The following FGD4 variants were observed in gnomAD, a reference collection of about 807,000 sequenced individuals.
FGD4 encodes FYVE, RhoGEF and PH domain-containing protein 4.
FGD4 carries 42 observed loss-of-function variants against 102.0 expected under a neutral mutation model. That is an observed-to-expected ratio of 0.41 (90% CI 0.32 to 0.53). The LOEUF (loss-of-function observed/expected upper bound fraction) is 0.53. FGD4 is among the 20% of genes least tolerant of loss of function. The pLI, the probability that FGD4 is intolerant of heterozygous loss-of-function variation, is 0.21. For missense variants in FGD4, 902 were observed against 1,078.2 expected (o/e 0.84, Z 2.29); for synonymous variants, 380 against 375.7 (o/e 1.01, Z -0.13).
chr12:32,564,423 A>G (rs1945015152), intron 2 of FGD4, 134 bp downstream of exon 2: 2 of 1,144,612 alleles, frequency 1.7e-6, no homozygotes, highest in Non-Finnish European at 1.2e-6. Context: ...TTTAGAGAAG[A>G]GTCCATCTGT....
chr12:32,566,061 C>T (rs1310362890), intron 2 of FGD4, among the ~76,000 whole-genome samples: 1 of 152,152 alleles, frequency 6.6e-6, no homozygotes, highest in Non-Finnish European at 1.5e-5. Context: ...AAATGTAGTT[C>T]TCACAGTTTT....
At chr12:32,401,963 C>A (rs1169112284) in intron 1 of FGD4, among the ~76,000 whole-genome samples, 1 of 144,992 alleles carries the variant, frequency 6.9e-6, no homozygotes, top group African/African-American at 2.6e-5. Context: ...AGTGCAGTGA[C>A]GCAATCTTGG....
intron 1 of FGD4, among the ~76,000 whole-genome samples, chr12:32,552,791 T>C (rs1200103482): frequency 6.6e-6 from 1 of 150,842 alleles, no homozygotes; most frequent in Non-Finnish European, 1.5e-5. Context: ...TACCTTTTTT[T>C]TTTTTGACAG....
intron 1 of FGD4, among the ~76,000 whole-genome samples, chr12:32,401,676 A>T (rs1940667092): frequency 6.6e-6 from 1 of 151,416 alleles, no homozygotes; most frequent in South Asian, 2.1e-4. Context: ...GAGTTGTGGC[A>T]GTCTACAAAT....
intron 1 of FGD4, among the ~76,000 whole-genome samples, chr12:32,543,923 A>G (rs1943040387): frequency 6.6e-6 from 1 of 151,950 alleles, no homozygotes; most frequent in South Asian, 2.1e-4. Flanking sequence ...CACCGCACCC[A>G]GCCGGAAATT....
intron 1 of FGD4, among the ~76,000 whole-genome samples, chr12:32,473,668 C>T (rs1943499584): frequency 1.3e-5 from 2 of 152,180 alleles, no homozygotes; most frequent in African/African-American, 4.8e-5. Context: ...TGCAGCTCAT[C>T]TCAAACTGAA....
chr12:32,484,389 T>C (rs1009376388), intron 1 of FGD4, among the ~76,000 whole-genome samples: 2 of 152,174 alleles, frequency 1.3e-5, no homozygotes, highest in East Asian at 1.9e-4. Flanking sequence ...CCATATAACA[T>C]AGAAACATAA....
intron 1 of FGD4, among the ~76,000 whole-genome samples, chr12:32,466,977 T>TC (rs1245145033): frequency 6.6e-6 from 1 of 152,070 alleles, no homozygotes; most frequent in African/African-American, 2.4e-5. Flanking sequence ...TCCCAGAGCT[T>TC]CTCTCCAAGC....
rs1211757393 is a variant in FGD4, at chr12:32,641,003, T to C, written c.*470T>C. 1.7e-5 allele frequency: 3 copies of C among 172,516 alleles called. No individual in the cohort carries two copies. The highest frequency in any genetic ancestry group is 7.1e-5 in the African/African-American group (3 of 42,018). The allele number at this position is 172,516 out of a possible 1,614,324, so 10.7% of individuals were successfully genotyped here. On this transcript the variant is annotated 3_prime_UTR_variant, in exon 17 of 17. Coordinates refer to ENST00000534526, the MANE Select transcript of FGD4 (RefSeq NM_001370298.3). Reference sequence around the variant, plus strand: ...TTATTTAATTTAGTTTATAAATCTCTAGCTGCATAAATGATGTCTGTTCTT... The same window carrying C: ...TTATTTAATTTAGTTTATAAATCTCCAGCTGCATAAATGATGTCTGTTCTT...
At chr12:32,402,573 T>A (rs1193492581) in intron 1 of FGD4, among the ~76,000 whole-genome samples, 1 of 151,394 alleles carries the variant, frequency 6.6e-6, no homozygotes, top group Non-Finnish European at 1.5e-5. Context: ...CTCAGTCTCT[T>A]AAGTAGATGG....
intron 1 of FGD4, among the ~76,000 whole-genome samples, chr12:32,546,414 A>G (rs1761782713): frequency 6.6e-6 from 1 of 152,240 alleles, no homozygotes; most frequent in South Asian, 2.1e-4. Context: ...CAGGGCCCTC[A>G]GTTGTGGTGG....
intron 3 of FGD4, 113 bp downstream of exon 3, chr12:32,576,562 G>A: frequency 8.3e-7 from 1 of 1,211,218 alleles, no homozygotes. Flanking sequence ...ATTCCATTAG[G>A]TTTGGTAGGC....
intron 1 of FGD4, among the ~76,000 whole-genome samples, chr12:32,520,964 T>G (rs933664908): frequency 1.3e-5 from 2 of 152,166 alleles, no homozygotes; most frequent in African/African-American, 2.4e-5. Context: ...AATTACTATT[T>G]TACTTGTTTG....
At chr12:32,632,295 C>T (rs1458046832) in intron 14 of FGD4, among the ~76,000 whole-genome samples, 1 of 152,094 alleles carries the variant, frequency 6.6e-6, no homozygotes, top group Non-Finnish European at 1.5e-5. Flanking sequence ...GCTTACAGCC[C>T]TATAAGGGAG....
chr12:32,595,160 T>G (rs1947792338), intron 4 of FGD4, among the ~76,000 whole-genome samples: 1 of 152,204 alleles, frequency 6.6e-6, no homozygotes, highest in African/African-American at 2.4e-5. Flanking sequence ...ATAGGTGTCT[T>G]ATGTAATTAC....
At position 32,613,909 on chromosome 12, in the gene FGD4, A is replaced by C. The variant is rs79700345; in HGVS notation, c.1749+2626A>C. Among the ~76,000 whole-genome samples the C allele has an allele frequency of 2.4e-3, 359 of 152,368 alleles. 8 individuals are homozygous for C. The East Asian group carries it at 0.063, about 27-fold the overall frequency. On this transcript the variant is annotated intron_variant, in intron 10 of 16. Transcript: ENST00000534526. ...ATGCAAAAATGATAAAATCATTGAC[A>C]CTTCATGAAAAGTTAATGGAGACAA...
chr12:32,412,815 C>T (rs768776735), intron 1 of FGD4, among the ~76,000 whole-genome samples: 15 of 151,286 alleles, frequency 9.9e-5, no homozygotes, highest in African/African-American at 3.4e-4. Flanking sequence ...CTCTAGACCT[C>T]GTGATCTGCC....
At chr12:32,475,176 A>C (rs915706748) in intron 1 of FGD4, among the ~76,000 whole-genome samples, 2 of 151,936 alleles carry the variant, frequency 1.3e-5, no homozygotes, top group African/African-American at 4.8e-5. Context: ...CTGTCTTCTG[A>C]TTCTTTTCCA....
chr12:32,507,674 A>G (rs1938922038), intron 1 of FGD4, among the ~76,000 whole-genome samples: 2 of 152,322 alleles, frequency 1.3e-5, no homozygotes, highest in South Asian at 4.1e-4. Flanking sequence ...CAGCAGTTTT[A>G]AAGTTGAGCA....
Sources: allele counts gnomAD v4.1 joint callset (sites outside exome capture counted in the v4.1 genomes callset), GRCh38; gene constraint gnomAD v4.1.1; transcripts MANE v1.5; gene names NCBI Gene and HGNC (gene_info 2026-07-23, HGNC 2026-07-21).